Variants in PIAS1 observed in about 807,000 individuals in gnomAD.
PIAS1 encodes E3 SUMO-protein ligase PIAS1.
A neutral mutation model predicts 71.3 loss-of-function variants in PIAS1; 6 were observed. The ratio of observed to expected loss-of-function variants is 0.08; its 90% CI spans 0.05 to 0.17. PIAS1 has a LOEUF of 0.17. PIAS1 is among the 10% of genes least tolerant of loss of function. The pLI, the probability that PIAS1 is intolerant of heterozygous loss-of-function variation, is 1.00. For synonymous variants in PIAS1, 303 were observed against 292.9 expected, an observed-to-expected ratio of 1.03 and a Z score of -0.35; for missense variants, 555 against 793.6, an observed-to-expected ratio of 0.70 and a Z score of 3.61.
chr15:68,062,436 CA>C (rs1031133690), intron 1 of PIAS1, among the ~76,000 whole-genome samples: 4 of 152,242 alleles, frequency 2.6e-5, no homozygotes, highest in Middle Eastern at 3.4e-3. Context: ...GGTATATTCA[CA>C]AAGTTGTGTA....
At chr15:68,098,822 C>T (rs911299340) in intron 2 of PIAS1, among the ~76,000 whole-genome samples, 2 of 152,118 alleles carry the variant, frequency 1.3e-5, no homozygotes, top group African/African-American at 4.8e-5. Flanking sequence ...CTGTTGAAAA[C>T]ATTGCTGTAG....
At chr15:68,154,359 A>G (rs932933371) in intron 7 of PIAS1, among the ~76,000 whole-genome samples, 14 of 152,182 alleles carry the variant, frequency 9.2e-5, no homozygotes, top group South Asian at 2.1e-4. Context: ...GAGGTGAACT[A>G]AGTTCTTCGT....
At chr15:68,157,134 CTG>C (rs921739549) in intron 7 of PIAS1, among the ~76,000 whole-genome samples, 6 of 152,234 alleles carry the variant, frequency 3.9e-5, no homozygotes, top group Admixed American at 1.3e-4. Flanking sequence ...AAACAGAAAA[CTG>C]TGTTGAAAAG....
chr15:68,157,368 CT>C (rs756900745), intron 7 of PIAS1, among the ~76,000 whole-genome samples: 1 of 152,154 alleles, frequency 6.6e-6, no homozygotes, highest in Non-Finnish European at 1.5e-5. Flanking sequence ...GGAAAACAAG[CT>C]CCTCTATGGA....
chr15:68,108,173 A>G (rs576008772), intron 2 of PIAS1, among the ~76,000 whole-genome samples: 1 of 152,244 alleles, frequency 6.6e-6, no homozygotes, highest in Non-Finnish European at 1.5e-5. Flanking sequence ...AATTCCATAG[A>G]TAAGTTTTCT....
intron 6 of PIAS1, among the ~76,000 whole-genome samples, chr15:68,148,457 G>A (rs79916337): frequency 0.028 from 4,231 of 152,166 alleles, 190 homozygotes; most frequent in African/African-American, 0.096. Context: ...TTGAGACAGA[G>A]TCTCACTCTT....
At chr15:68,183,921 C>A in intron 13 of PIAS1, 6 of 269,506 alleles carry the variant, frequency 2.2e-5, no homozygotes, top group East Asian at 8.7e-5. Context: ...TAATTATGTA[C>A]AATATAACGA....
intron 1 of PIAS1, among the ~76,000 whole-genome samples, chr15:68,062,258 G>A (rs1297792575): frequency 6.6e-6 from 1 of 152,040 alleles, no homozygotes; most frequent in East Asian, 1.9e-4. Flanking sequence ...CAGTAAATAG[G>A]GTAAAAATGG....
chr15:68,068,640 A>T (rs2092056896), intron 1 of PIAS1, among the ~76,000 whole-genome samples: 1 of 151,688 alleles, frequency 6.6e-6, no homozygotes, highest in Non-Finnish European at 1.5e-5. Flanking sequence ...TTTAGTAGAG[A>T]AGGGATTTTG....
At chr15:68,180,089 A>G (rs2093044705) in intron 11 of PIAS1, among the ~76,000 whole-genome samples, 1 of 151,742 alleles carries the variant, frequency 6.6e-6, no homozygotes, top group Non-Finnish European at 1.5e-5. Context: ...TCTTTTCAAA[A>G]TTAGCTTTGT....
intron 2 of PIAS1, among the ~76,000 whole-genome samples, chr15:68,109,852 A>G (rs1328905734): frequency 6.6e-6 from 1 of 152,192 alleles, no homozygotes; most frequent in Non-Finnish European, 1.5e-5. Context: ...AGCACACAAG[A>G]AATGTCTACT....
chr15:68,173,878 C>G lies in PIAS1; in HGVS notation c.1155C>G (p.His385Gln). Residue 385 changes from histidine (H) to glutamine (Q), a missense_variant, in exon 9 of 14, where the codon CAC (histidine) becomes CAG (glutamine). His to Gln is a conservative substitution (Grantham distance 24). Around this residue, in one of 5 missense-constraint regions of PIAS1, gnomAD observed 49 missense variants for 129.2 expected, o/e 0.38. Coordinates refer to ENST00000249636, the MANE Select transcript of PIAS1 (RefSeq NM_016166.3). The surrounding 1 kb of genome is among the most constrained non-coding windows in gnomAD (Gnocchi z 4.3). ...PVCDKKAPYE[H>Q]LIIDGLFMEI... The stretch of plus-strand genomic sequence containing the variant: ...GTGATAAGAAGGCTCCATATGAACA[C>G]CTTATTATTGATGGGTATGTTACTT... The G allele has an allele frequency of 6.5e-7, 1 of 1,542,616 alleles. No homozygotes were observed. The highest frequency in any genetic ancestry group is 8.8e-7 in the Non-Finnish European group (1 of 1,134,140).
rs888891619 is a variant in PIAS1 at position 68,054,411 on chromosome 15, A to C, written c.24+61A>C. On this transcript the variant is annotated intron_variant, in intron 1 of 13. Transcript: ENST00000249636. This position sits in a 1 kb window ranked among gnomAD's most constrained non-coding sequence, Gnocchi z 4.6. ...CCGCGGAGACGGCGCCGCTGCTGCC[A>C]GGGGGGATGGGTCCGACCCTGGGGG... 38 of 1,530,292 alleles carry C rather than the reference A, an allele frequency of 2.5e-5. No homozygotes were observed. Among genetic ancestry groups the C allele is most frequent in the African/African-American group, 4.1e-5 (3 of 72,296 alleles). 94.8% of individuals were successfully genotyped at this position (1,530,292 alleles called of 1,614,324 possible).
At chr15:68,123,105 G>A (rs890862666) in intron 2 of PIAS1, among the ~76,000 whole-genome samples, 1 of 151,808 alleles carries the variant, frequency 6.6e-6, no homozygotes, top group African/African-American at 2.4e-5. Context: ...AGGCTGGAAT[G>A]CAGTGGTACA....
Position 68,054,707 on chromosome 15 carries a change from G to A in PIAS1, c.24+357G>A, listed in dbSNP as rs1274128425. ...TCCCTGCCCCCCATGGGGAGCTGGG[G>A]CTGGGGGCAGGGTGCTCTCGTAGGG... On this transcript the variant is annotated intron_variant, in intron 1 of 13. Transcript: ENST00000249636. The surrounding 1 kb of genome is among the most constrained non-coding windows in gnomAD (Gnocchi z 4.6). The A allele has an allele frequency of 4.9e-6, 1 of 202,344 alleles. No individual in the cohort carries two copies. The highest frequency in any genetic ancestry group is 9.9e-6 in the Non-Finnish European group (1 of 100,818). The allele number at this position is 202,344 out of a possible 1,614,324, so 12.5% of individuals were successfully genotyped here. A position where few individuals can be genotyped will look rare whatever the true frequency, so the allele number is the denominator to read the frequency against.
chr15:68,148,957 C>G (rs1257685835), intron 6 of PIAS1, among the ~76,000 whole-genome samples: 1 of 151,328 alleles, frequency 6.6e-6, no homozygotes, highest in Non-Finnish European at 1.5e-5. Context: ...AATTGAAAGT[C>G]GAGGGCTAAG....
chr15:68,175,847 T>A (rs2093017347), intron 10 of PIAS1, 80 bp downstream of exon 10: 2 of 959,164 alleles, frequency 2.1e-6, no homozygotes, highest in Admixed American at 7.3e-5. Flanking sequence ...CATATATTTT[T>A]AAAAATCACT....
At chr15:68,112,266 T>G (rs2092529255) in intron 2 of PIAS1, among the ~76,000 whole-genome samples, 1 of 152,170 alleles carries the variant, frequency 6.6e-6, no homozygotes, top group Non-Finnish European at 1.5e-5. Context: ...CTCTGCTACA[T>G]TATCAATTTT....
At chr15:68,175,802 C>T in intron 10 of PIAS1, 35 bp downstream of exon 10, 1 of 1,527,388 alleles carries the variant, frequency 6.5e-7, no homozygotes, top group Non-Finnish European at 8.9e-7. Context: ...GGCAGTCTCC[C>T]TACTGCTCTA....
Sources: allele counts gnomAD v4.1 joint callset (sites outside exome capture counted in the v4.1 genomes callset), GRCh38; gene constraint gnomAD v4.1.1; regional missense constraint gnomAD v4.1.1; non-coding constraint Gnocchi (gnomAD v3.1); transcripts MANE v1.5; gene names NCBI Gene and HGNC (gene_info 2026-07-23, HGNC 2026-07-21).